EPHA2: variants seen among roughly 807,000 people sequenced by gnomAD.
EPHA2 encodes the protein EPH receptor A2.
Under a neutral mutation model 104.9 loss-of-function variants are expected in EPHA2, and 54 were observed. That is an observed-to-expected ratio of 0.51 (90% CI 0.41 to 0.65). The LOEUF (loss-of-function observed/expected upper bound fraction) is 0.65. EPHA2 is among the 30% of genes least tolerant of loss of function. The pLI is 0.00. For synonymous variants in EPHA2, 560 were observed against 559.1 expected, an observed-to-expected ratio of 1.00 and a Z score of -0.02; for missense variants, 1,117 against 1,369.5, an observed-to-expected ratio of 0.82 and a Z score of 2.91.
chr1:16,134,563 C>T lies in EPHA2; in HGVS notation c.1587G>A (p.Pro529=), dbSNP rs374911694. Residue 529 remains proline (P), a synonymous_variant, in exon 8 of 17, where the codon CCG becomes CCA. Coordinates refer to ENST00000358432, the MANE Select transcript of EPHA2 (RefSeq NM_004431.5). This position sits in a 1 kb window ranked among gnomAD's most constrained non-coding sequence, Gnocchi z 4.5. ...SKVHEFQTLS[P]EGSGNLAVIG... ...TCACCGCCAAGTTGCCAGATCCCTC[C>T]GGGGCTGGTGGAAGAAATCAGCTGA... 1.3e-5 allele frequency: 21 copies of T among 1,613,912 alleles called. No individual in the cohort carries two copies. Among genetic ancestry groups the T allele is most frequent in the East Asian group, 4.5e-5 (2 of 44,872 alleles).
In EPHA2 at chr1:16,138,311, G is replaced by A. The variant is rs773494301; in HGVS notation, c.943C>T (p.Arg315Trp). 17 of 1,613,424 alleles carry A rather than the reference G, an allele frequency of 1.1e-5. No homozygotes were observed. The highest frequency in any genetic ancestry group is 1.0e-4 in the Admixed American group (6 of 59,952). ...TSCECEEGFF[R>W]APQDPASMPC... ...ATCGACGCTGGGTCCTGAGGTGCCC[G>A]GAAGAAGCCTTCCTCACACTCGCAG... The change falls in exon 4 of 17, where the codon CGG becomes TGG. Residue 315 changes from arginine (R) to tryptophan (W), a missense_variant. By Grantham distance (101) the Arg-to-Trp change is moderately radical (BLOSUM62 -3). Around this residue, in one of 3 missense-constraint regions of EPHA2, gnomAD observed 664 missense variants for 784.8 expected, o/e 0.85. Transcript: ENST00000358432.
chr1:16,140,392 A>G (rs1380625239), intron 3 of EPHA2, among the ~76,000 whole-genome samples: 1 of 152,232 alleles, frequency 6.6e-6, no homozygotes, highest in Non-Finnish European at 1.5e-5. Flanking sequence ...CTGGAGTCCC[A>G]ATGACAGTAC....
Position 16,125,242 on chromosome 1 carries a change from C to T in EPHA2, c.2904G>A (p.Gln968=), listed in dbSNP as rs138818894. 3 of 1,613,878 alleles carry T rather than the reference C, an allele frequency of 1.9e-6. No individual in the cohort carries two copies. Among genetic ancestry groups the T allele is most frequent in the Admixed American group, 1.7e-5 (1 of 59,992 alleles). The part of the protein sequence containing the change: ...IAYSLLGLKD[Q]VNTVGIPI The stretch of plus-strand genomic sequence containing the variant: ...AGATGGGGATCCCCACAGTGTTCAC[C>T]TGGTCCTTGAGTCCCAGCAGGCTGT... The change falls in exon 17 of 17, where the codon CAG becomes CAA. Residue 968 remains glutamine, a synonymous_variant. Coordinates refer to ENST00000358432, the MANE Select transcript of EPHA2 (RefSeq NM_004431.5). This position sits in a 1 kb window ranked among gnomAD's most constrained non-coding sequence, Gnocchi z 4.9.
chr1:16,145,369 GCACCT>G (rs2024914930), intron 3 of EPHA2, among the ~76,000 whole-genome samples: 1 of 152,226 alleles, frequency 6.6e-6, no homozygotes, highest in Non-Finnish European at 1.5e-5. Flanking sequence ...GCCGCACACA[GCACCT>G]GGGAGGTGCC....
At position 16,138,017 on chromosome 1, in the gene EPHA2, A is replaced by G. The variant is rs751403034; in HGVS notation, c.1148T>C (p.Val383Ala). The G allele has an allele frequency of 1.9e-6, 3 of 1,613,694 alleles. No homozygotes were observed. The African/African-American group carries it at 4.0e-5, about 22-fold the overall frequency. Residue 383 changes from valine (V) to alanine (A), a missense_variant, in exon 5 of 17, where the codon GTG becomes GCG. By Grantham distance (64) the Val-to-Ala change is moderately conservative. This residue lies in a region of EPHA2 where 664 missense variants were observed against 784.8 expected (regional missense o/e 0.85). Coordinates refer to ENST00000358432, the MANE Select transcript of EPHA2 (RefSeq NM_004431.5). ...TCCGTGAGGAGGCTCCGAGTAGCGCACACTGGCCTCACACGGCCCGCATTC... is the reference window on the plus strand; with the variant it reads ...TCCGTGAGGAGGCTCCGAGTAGCGCGCACTGGCCTCACACGGCCCGCATTC... Reference protein sequence around the residue: ...SGECGPCEASVRYSEPPHGLT... With the variant: ...SGECGPCEASARYSEPPHGLT...
rs1310203439 is a variant in EPHA2 at position 16,128,978 on chromosome 1, C to T, written c.2825+456G>A. On this transcript the variant is annotated intron_variant, in intron 16 of 16. Transcript: ENST00000358432. This position sits in a 1 kb window ranked among gnomAD's most constrained non-coding sequence, Gnocchi z 4.7. ...CTACCAATGACCTCTCCGATCCCTG[C>T]GCTCTGGGATCCCGACTGACTGGGC... 2.6e-5 allele frequency among the ~76,000 whole-genome samples: 4 copies of T among 151,928 alleles called. No homozygotes were observed. Among genetic ancestry groups the T allele is most frequent in the Non-Finnish European group, 2.9e-5 (2 of 67,984 alleles).
At chr1:16,154,756 CAAA>C (rs558609049) in intron 1 of EPHA2, among the ~76,000 whole-genome samples, 14 of 66,872 alleles carry the variant, frequency 2.1e-4, no homozygotes, top group African/African-American at 6.6e-4. Flanking sequence ...AACTCCGTCT[CAAA>C]AAAAAAAAAA....
Position 16,133,567 on chromosome 1 carries a change from G to A in EPHA2, c.1778C>T (p.Thr593Ile), listed in dbSNP as rs2124207421. 1 of 1,614,122 alleles carries A rather than the reference G, an allele frequency of 6.2e-7. No individual in the cohort carries two copies. The highest frequency in any genetic ancestry group is 1.1e-5 in the South Asian group (1 of 91,090). The stretch of plus-strand genomic sequence containing the variant: ...CACAGCCTGGTTGGGGTCCTCATAT[G>A]TGTGGGGGTCCACGTATGTCTTCAG... ...KPLKTYVDPH[T>I]YEDPNQAVLK... Residue 593 changes from threonine to isoleucine, a missense_variant, in exon 10 of 17, where the codon ACA (threonine) becomes ATA (isoleucine). Physicochemically the swap from Thr to Ile is moderately conservative, Grantham distance 89. Around this residue, in one of 3 missense-constraint regions of EPHA2, gnomAD observed 113 missense variants for 104.3 expected, o/e 1.08. Transcript: ENST00000358432.
At position 16,125,014 on chromosome 1, in the gene EPHA2, G is replaced by A; in HGVS notation, c.*201C>T. ...TGCTCAGCTGTGTGCGTCTCGCAGG[G>A]AAAGAGGGCCCAGCCCAGCATCCCT... is the stretch of plus-strand genomic sequence containing the variant. On this transcript the variant is annotated 3_prime_UTR_variant, in exon 17 of 17. Coordinates refer to ENST00000358432, the MANE Select transcript of EPHA2 (RefSeq NM_004431.5). This position sits in a 1 kb window ranked among gnomAD's most constrained non-coding sequence, Gnocchi z 4.9. 2 of 617,754 alleles carry A rather than the reference G, an allele frequency of 3.2e-6. No homozygotes were observed. Among genetic ancestry groups the A allele is most frequent in the Non-Finnish European group, 5.9e-6 (2 of 339,332 alleles). 38.3% of individuals were successfully genotyped at this position (617,754 alleles called of 1,614,324 possible). A position where few individuals can be genotyped will look rare whatever the true frequency, so the allele number is the denominator to read the frequency against.
intron 3 of EPHA2, among the ~76,000 whole-genome samples, chr1:16,144,952 G>T (rs1447883686): frequency 6.6e-6 from 1 of 152,236 alleles, no homozygotes; most frequent in African/African-American, 2.4e-5. Context: ...CTGGAATGCG[G>T]TGTCCCTATG....
chr1:16,152,085 C>T (rs1057081336), intron 1 of EPHA2, among the ~76,000 whole-genome samples: 1 of 152,214 alleles, frequency 6.6e-6, no homozygotes, highest in African/African-American at 2.4e-5. Context: ...GGCATAGAAC[C>T]TATGCAAGAT....
intron 16 of EPHA2, among the ~76,000 whole-genome samples, chr1:16,129,114 C>A (rs1369763792): frequency 6.6e-6 from 1 of 151,148 alleles, no homozygotes; most frequent in African/African-American, 2.4e-5. Flanking sequence ...AGGACTCACC[C>A]CGCTGGGTTC....
At chr1:16,147,386 G>A (rs746598971) in intron 3 of EPHA2, among the ~76,000 whole-genome samples, 2 of 152,088 alleles carry the variant, frequency 1.3e-5, no homozygotes, top group East Asian at 1.9e-4. Flanking sequence ...AAAGCTCCGC[G>A]GGTGATCCTG....
chr1:16,152,890 C>G (rs2025069969), intron 1 of EPHA2, among the ~76,000 whole-genome samples: 1 of 152,210 alleles, frequency 6.6e-6, no homozygotes, highest in Non-Finnish European at 1.5e-5. Flanking sequence ...CGGCCCCCTC[C>G]CAGGGAAATT....
chr1:16,136,981 G>C (rs1031457675), intron 5 of EPHA2, among the ~76,000 whole-genome samples: 3 of 151,682 alleles, frequency 2.0e-5, no homozygotes, highest in African/African-American at 7.3e-5. Flanking sequence ...TGTATTTTTA[G>C]TAGAGATGGG....
In EPHA2 at chr1:16,138,307, G is replaced by A. The variant is rs1025161177; in HGVS notation, c.947C>T (p.Ala316Val). ...AGGCATCGACGCTGGGTCCTGAGGT[G>A]CCCGGAAGAAGCCTTCCTCACACTC... ...SCECEEGFFR[A>V]PQDPASMPCT... Residue 316 changes from alanine to valine, a missense_variant, in exon 4 of 17, where the codon GCA becomes GTA. Transcript: ENST00000358432. 8 of 1,613,512 alleles carry A rather than the reference G, an allele frequency of 5.0e-6. No homozygotes were observed. The Admixed American group carries it at 1.2e-4, about 24-fold the overall frequency.
chr1:16,143,863 G>A (rs898201305), intron 3 of EPHA2, among the ~76,000 whole-genome samples: 2 of 152,208 alleles, frequency 1.3e-5, no homozygotes, highest in African/African-American at 4.8e-5. Flanking sequence ...AAATGAGGGA[G>A]CTGACAACCT....
chr1:16,126,686 G>A (rs2024475047), intron 16 of EPHA2, among the ~76,000 whole-genome samples: 1 of 152,210 alleles, frequency 6.6e-6, no homozygotes, highest in East Asian at 1.9e-4. Context: ...CTCAGACCAC[G>A]GTGAAGGAGA....
Position 16,133,292 on chromosome 1 carries a change from C to A in EPHA2, c.1941G>T (p.Thr647=), listed in dbSNP as rs56043737. The change falls in exon 11 of 17, where the codon ACG becomes ACT. Residue 647 remains threonine (T), a synonymous_variant. Coordinates refer to ENST00000358432, the MANE Select transcript of EPHA2 (RefSeq NM_004431.5). ...GKKEVPVAIK[T]LKAGYTEKQR... is the part of the protein sequence containing the mutation. ...GCTTCTCTGTGTAGCCGGCTTTCAGCGTCTTGATGGCCACCGGCACCTCCT... is the reference window on the plus strand; with the variant it reads ...GCTTCTCTGTGTAGCCGGCTTTCAGAGTCTTGATGGCCACCGGCACCTCCT... 19,842 of 1,613,854 alleles carry A rather than the reference C, an allele frequency of 0.012. 158 individuals carry two copies. Among genetic ancestry groups the A allele is most frequent in the Admixed American group, 0.015 (878 of 60,012 alleles).
Sources: allele counts gnomAD v4.1 joint callset (sites outside exome capture counted in the v4.1 genomes callset), GRCh38; gene constraint gnomAD v4.1.1; regional missense constraint gnomAD v4.1.1; non-coding constraint Gnocchi (gnomAD v3.1); transcripts MANE v1.5; gene names NCBI Gene and HGNC (gene_info 2026-07-23, HGNC 2026-07-21).